AP1S3: variants seen among roughly 807,000 people sequenced by gnomAD.
The protein encoded by AP1S3 is adaptor related protein complex 1 subunit sigma 3, also known as AP-1 complex subunit sigma-3.
Under a neutral mutation model 20.9 loss-of-function variants are expected in AP1S3, and 10 were observed. That is an observed-to-expected ratio of 0.48 (90% CI 0.29 to 0.81). The LOEUF is 0.81. Ranked by LOEUF, AP1S3 falls within the 30% of genes least tolerant of loss-of-function variation. The pLI, the probability that AP1S3 is intolerant of heterozygous loss-of-function variation, is 0.08. For synonymous variants in AP1S3, 41 were observed against 61.5 expected, an observed-to-expected ratio of 0.67 and a Z score of 1.56; for missense variants, 154 against 183.8, an observed-to-expected ratio of 0.84 and a Z score of 0.94.
At chr2:223,794,706 G>A (rs1167144917) in intron 1 of AP1S3, among the ~76,000 whole-genome samples, 1 of 152,084 alleles carries the variant, frequency 6.6e-6, no homozygotes, top group Non-Finnish European at 1.5e-5. Flanking sequence ...ACCTTTGAAT[G>A]TCAGGATGAG....
intron 2 of AP1S3, chr2:223,776,296 C>T (rs1690783118): frequency 4.5e-6 from 2 of 447,688 alleles, no homozygotes; most frequent in Non-Finnish European, 8.6e-6. Context: ...TCTTGGTAAT[C>T]AGGGTGTCTT....
At position 223,775,000 on chromosome 2, in the gene AP1S3, A is replaced by G. The variant is rs1403918729; in HGVS notation, c.291+901T>C. Among the ~76,000 whole-genome samples the G allele has an allele frequency of 3.2e-4, 9 of 28,558 alleles. No individual in the cohort carries two copies. The Admixed American group carries it at 4.0e-3, about 13-fold the overall frequency. 18.7% of individuals were successfully genotyped at this position (28,558 alleles called of 152,430 possible). ...AGAGGAAGGGAGCTGAGTGGAAGAA[A>G]CCAAGGAGGCGCTTCAGAAATCAAT... On this transcript the variant is annotated intron_variant, in intron 3 of 4. Transcript: ENST00000396654.
intron 1 of AP1S3, among the ~76,000 whole-genome samples, chr2:223,830,805 G>A (rs1017680796): frequency 9.2e-5 from 14 of 152,096 alleles, no homozygotes; most frequent in African/African-American, 3.1e-4. Flanking sequence ...ATGCCCCATC[G>A]CACTGAAAGA....
At chr2:223,826,531 C>G (rs1344352272) in intron 1 of AP1S3, among the ~76,000 whole-genome samples, 6 of 152,016 alleles carry the variant, frequency 3.9e-5, no homozygotes, top group African/African-American at 1.2e-4. Context: ...AGGCAGGGGT[C>G]GCAGTGAGCA....
intron 1 of AP1S3, among the ~76,000 whole-genome samples, chr2:223,793,540 T>C (rs925472535): frequency 2.6e-5 from 4 of 151,764 alleles, no homozygotes; most frequent in African/African-American, 4.8e-5. Flanking sequence ...CATGGACACA[T>C]TGGGGGGAAC....
intron 1 of AP1S3, among the ~76,000 whole-genome samples, chr2:223,791,485 C>T (rs1015219861): frequency 3.3e-5 from 5 of 152,120 alleles, no homozygotes; most frequent in Admixed American, 3.3e-4. Context: ...ATTCAACATC[C>T]CTTCATGTTA....
At chr2:223,810,032 A>C (rs989376605) in intron 1 of AP1S3, among the ~76,000 whole-genome samples, 1 of 151,776 alleles carries the variant, frequency 6.6e-6, no homozygotes, top group African/African-American at 2.4e-5. Flanking sequence ...GGCCTATTTT[A>C]CTTTTTATGT....
At chr2:223,829,370 T>C (rs534997915) in intron 1 of AP1S3, among the ~76,000 whole-genome samples, 18 of 152,178 alleles carry the variant, frequency 1.2e-4, no homozygotes, top group Middle Eastern at 3.4e-3. Context: ...CTCATGTCTA[T>C]AATCCCAACA....
intron 1 of AP1S3, among the ~76,000 whole-genome samples, chr2:223,807,277 G>C (rs573628742): frequency 8.5e-5 from 13 of 152,148 alleles, no homozygotes; most frequent in South Asian, 6.2e-4. Context: ...AAAAAAGAGA[G>C]AGACAGAGAG....
chr2:223,832,131 CTCTCTGTGTGTG>C (rs1429690778), intron 1 of AP1S3, among the ~76,000 whole-genome samples: 4,723 of 114,692 alleles, frequency 0.041, 130 homozygotes, highest in African/African-American at 0.072. Context: ...AAGGAGTTTT[CTCTCTGTGTGTG>C]TGTGTGTGTG....
intron 3 of AP1S3, among the ~76,000 whole-genome samples, chr2:223,775,161 A>G (rs1292702446): frequency 6.6e-6 from 1 of 152,226 alleles, no homozygotes. Context: ...GGAGGGTTCA[A>G]TGGTAACTTG....
At chr2:223,813,041 G>A (rs1691770714) in intron 1 of AP1S3, among the ~76,000 whole-genome samples, 1 of 151,932 alleles carries the variant, frequency 6.6e-6, no homozygotes, top group Non-Finnish European at 1.5e-5. Flanking sequence ...TGATTCTCCT[G>A]CCTCAGCCTC....
chr2:223,789,208 A>G (rs1691149917), intron 1 of AP1S3, among the ~76,000 whole-genome samples: 1 of 152,102 alleles, frequency 6.6e-6, no homozygotes, highest in African/African-American at 2.4e-5. Context: ...ACACACATAC[A>G]CACACACAGA....
At chr2:223,810,807 G>A (rs972505749) in intron 1 of AP1S3, among the ~76,000 whole-genome samples, 1 of 151,980 alleles carries the variant, frequency 6.6e-6, no homozygotes, top group East Asian at 1.9e-4. Context: ...TCCTAATAAA[G>A]TAGGTAGTTA....
chr2:223,794,309 C>T (rs1029631847), intron 1 of AP1S3, among the ~76,000 whole-genome samples: 4 of 151,790 alleles, frequency 2.6e-5, no homozygotes, highest in East Asian at 1.9e-4. Context: ...AACACTATTG[C>T]GCCACTGCAC....
At position 223,765,160 on chromosome 2, in the gene AP1S3, C is replaced by CATCATG. The variant is rs746548908; in HGVS notation, c.429+52_429+53insCATGAT. 9 of 1,409,358 alleles carry CATCATG rather than the reference C, an allele frequency of 6.4e-6. No homozygotes were observed. The South Asian group carries it at 9.9e-5, about 15-fold the overall frequency. The allele number at this position is 1,409,358 out of a possible 1,614,324, so 87.3% of individuals were successfully genotyped here. ...TGGTTAATATTATAATTATTAACAC[C>CATCATG]ATCATCATCATCATCATCATCTTTC... On this transcript the variant is annotated intron_variant, in intron 4 of 4. Coordinates refer to ENST00000396654, the MANE Select transcript of AP1S3 (RefSeq NM_001039569.2).
chr2:223,781,000 T>C (rs953234121), intron 1 of AP1S3, among the ~76,000 whole-genome samples: 2 of 151,944 alleles, frequency 1.3e-5, no homozygotes, highest in African/African-American at 2.4e-5. Flanking sequence ...TGTTTGTAAG[T>C]ATCCAGTGTT....
At position 223,757,943 on chromosome 2, in the gene AP1S3, T is replaced by C. The variant is rs888540178; in HGVS notation, c.*772A>G. The C allele has an allele frequency of 2.1e-6, 2 of 970,242 alleles. No homozygotes were observed. Among genetic ancestry groups the C allele is most frequent in the Admixed American group, 1.2e-4 (2 of 16,274 alleles). 60.1% of individuals were successfully genotyped at this position (970,242 alleles called of 1,614,324 possible). A position where few individuals can be genotyped will look rare whatever the true frequency, so the allele number is the denominator to read the frequency against. On this transcript the variant is annotated 3_prime_UTR_variant, in exon 5 of 5. Transcript: ENST00000396654. ...TAATTCTTATCATACTATTTTAGAA[T>C]AATAAAGGAAGTCATAGATGCTGTA...
intron 1 of AP1S3, among the ~76,000 whole-genome samples, chr2:223,797,986 G>A (rs1040622925): frequency 6.6e-6 from 1 of 152,118 alleles, no homozygotes; most frequent in Admixed American, 6.5e-5. Context: ...ATTTGAGGAA[G>A]TGGTCCTCTG....
Sources: gnomAD v4.1 joint callset for allele counts (sites outside exome capture counted in the v4.1 genomes callset) on GRCh38, gnomAD v4.1.1 for gene constraint, MANE v1.5 for transcripts, NCBI Gene and HGNC (gene_info 2026-07-23, HGNC 2026-07-21) for gene names.